Variants in ITGB8 observed in about 807,000 individuals in gnomAD.
ITGB8 encodes integrin subunit beta 8.
Under a neutral mutation model 89.5 loss-of-function variants are expected in ITGB8, and 30 were observed. The ratio of observed to expected loss-of-function variants is 0.34; its 90% CI spans 0.25 to 0.45. The LOEUF (loss-of-function observed/expected upper bound fraction) is 0.45, where lower values mean the gene tolerates loss of function less well. ITGB8 is among the 20% of genes least tolerant of loss of function. The pLI is 1.00. For synonymous variants in ITGB8, 335 were observed against 320.4 expected (o/e 1.05, Z -0.49); for missense variants, 836 against 933.3 (o/e 0.90, Z 1.36).
chr7:20,410,087 A>G lies in ITGB8; in HGVS notation c.*90A>G, dbSNP rs1357300373. The G allele has an allele frequency of 3.0e-6, 4 of 1,335,634 alleles. No individual in the cohort carries two copies. In the East Asian group the frequency reaches 9.2e-5, roughly 31 times the overall value. The allele number at this position is 1,335,634 out of a possible 1,614,324, so 82.7% of individuals were successfully genotyped here. A position where few individuals can be genotyped will look rare whatever the true frequency, so the allele number is the denominator to read the frequency against. On this transcript the variant is annotated 3_prime_UTR_variant, in exon 14 of 14. Transcript: ENST00000222573. The stretch of plus-strand genomic sequence containing the variant: ...TTTTAAAAGTCACAGGAGGAGACAA[A>G]TTGCTCACGGTCATGCCAGTTGCTG...
chr7:20,387,591 C>A (rs1786679347), intron 6 of ITGB8, among the ~76,000 whole-genome samples: 1 of 152,156 alleles, frequency 6.6e-6, no homozygotes, highest in Non-Finnish European at 1.5e-5. Context: ...CTCCAGAGGA[C>A]AATTTCATCA....
At chr7:20,382,732 CTTAG>C in intron 6 of ITGB8, among the ~76,000 whole-genome samples, 1 of 152,152 alleles carries the variant, frequency 6.6e-6, no homozygotes, top group Admixed American at 6.5e-5. Flanking sequence ...GTCTTAACAA[CTTAG>C]TATCTCCTTA....
chr7:20,397,452 C>G (rs1344426236), intron 8 of ITGB8, among the ~76,000 whole-genome samples: 1 of 152,202 alleles, frequency 6.6e-6, no homozygotes, highest in Non-Finnish European at 1.5e-5. Context: ...TCTGGAACTG[C>G]TGATCTCAAG....
Position 20,348,460 on chromosome 7 carries a change from C to T in ITGB8, c.128-15177C>T, listed in dbSNP as rs117773972. Among the ~76,000 whole-genome samples, 1,381 of 152,328 alleles carry T rather than the reference C, an allele frequency of 9.1e-3. 15 individuals carry two copies. Among genetic ancestry groups the T allele is most frequent in the South Asian group, 0.019 (92 of 4,826 alleles). On this transcript the variant is annotated intron_variant, in intron 1 of 13. Coordinates refer to ENST00000222573, the MANE Select transcript of ITGB8 (RefSeq NM_002214.3). The stretch of plus-strand genomic sequence containing the variant: ...CTGCCTTCTGTCTCAGCCTCTGGCT[C>T]CTCTTGAATTTGTTATTTATTCTGC...
At chr7:20,382,004 G>A in intron 6 of ITGB8, 119 bp downstream of exon 6, 1 of 805,718 alleles carries the variant, frequency 1.2e-6, no homozygotes, top group Non-Finnish European at 1.9e-6. Context: ...TACAGAACAA[G>A]GATAAGCCAT....
At chr7:20,399,068 C>G in intron 9 of ITGB8, 74 bp downstream of exon 9, 1 of 1,490,470 alleles carries the variant, frequency 6.7e-7, no homozygotes, top group Non-Finnish European at 9.0e-7. Context: ...AAAAAGCAAA[C>G]CATTCTGAAA....
intron 12 of ITGB8, among the ~76,000 whole-genome samples, chr7:20,407,464 T>C (rs1787593556): frequency 6.6e-6 from 1 of 152,318 alleles, no homozygotes; most frequent in Non-Finnish European, 1.5e-5. Context: ...CTTGAAATTA[T>C]ATCTTTATTA....
At chr7:20,336,143 C>T (rs1160687052) in intron 1 of ITGB8, among the ~76,000 whole-genome samples, 1 of 151,164 alleles carries the variant, frequency 6.6e-6, no homozygotes, top group Admixed American at 6.6e-5. Context: ...GTAGCTGAGA[C>T]TACAGGCACC....
At position 20,332,018 on chromosome 7, in the gene ITGB8, G is replaced by A. The variant is rs555600570; in HGVS notation, c.127+85G>A. On this transcript the variant is annotated intron_variant, in intron 1 of 13. Coordinates refer to ENST00000222573, the MANE Select transcript of ITGB8 (RefSeq NM_002214.3). The stretch of plus-strand genomic sequence containing the variant: ...AAGAGCTGCCCGGCCAGAGCATCCC[G>A]GCCAGGTAAGTTGCGGTCATCAGAG... 4.5e-6 allele frequency: 7 copies of A among 1,538,712 alleles called. No homozygotes were observed. In the South Asian group the frequency reaches 6.0e-5, roughly 13 times the overall value.
chr7:20,356,329 T>C (rs1785293076), intron 1 of ITGB8, among the ~76,000 whole-genome samples: 2 of 152,172 alleles, frequency 1.3e-5, no homozygotes, highest in Admixed American at 6.5e-5. Flanking sequence ...TAATAGCATA[T>C]ATTTCTCTGC....
chr7:20,330,319 G>T (rs1389551919), upstream of ITGB8, among the ~76,000 whole-genome samples: 1 of 152,216 alleles, frequency 6.6e-6, no homozygotes, highest in Non-Finnish European at 1.5e-5. Flanking sequence ...GAGGGCGTTG[G>T]GGGCAGGGGA....
intron 6 of ITGB8, among the ~76,000 whole-genome samples, chr7:20,389,189 G>C (rs112028797): frequency 1.2e-4 from 18 of 152,166 alleles, no homozygotes; most frequent in Middle Eastern, 3.2e-3. Flanking sequence ...CTAGATCCTT[G>C]AGGAATCACC....
chr7:20,373,065 T>C (rs1226131548), intron 3 of ITGB8, among the ~76,000 whole-genome samples: 1 of 152,200 alleles, frequency 6.6e-6, no homozygotes, highest in Non-Finnish European at 1.5e-5. Context: ...GCTCTTAATA[T>C]TAATTTTGAT....
At chr7:20,358,860 C>G (rs1032507884) in intron 1 of ITGB8, among the ~76,000 whole-genome samples, 4 of 152,178 alleles carry the variant, frequency 2.6e-5, no homozygotes, top group African/African-American at 9.7e-5. Flanking sequence ...TTGCTCCCCT[C>G]CCTACTTTCA....
chr7:20,346,248 C>T (rs1784919244), intron 1 of ITGB8, among the ~76,000 whole-genome samples: 1 of 152,066 alleles, frequency 6.6e-6, no homozygotes, highest in Admixed American at 6.6e-5. Flanking sequence ...AGGGGAGAGC[C>T]AGGTTTCTGT....
intron 6 of ITGB8, among the ~76,000 whole-genome samples, chr7:20,390,357 G>T (rs564905953): frequency 6.6e-6 from 1 of 152,014 alleles, no homozygotes; most frequent in Non-Finnish European, 1.5e-5. Context: ...CTTGTTATTC[G>T]AGACAATCAT....
chr7:20,382,988 T>C (rs1786462165), intron 6 of ITGB8, among the ~76,000 whole-genome samples: 1 of 152,232 alleles, frequency 6.6e-6, no homozygotes. Context: ...ACATGCTGAA[T>C]GTCACTGTAT....
intron 12 of ITGB8, among the ~76,000 whole-genome samples, chr7:20,408,194 G>A (rs1787621754): frequency 6.6e-6 from 1 of 152,056 alleles, no homozygotes. Context: ...AGAACAAAAG[G>A]CATGTATGTT....
At chr7:20,352,413 A>G (rs1235580349) in intron 1 of ITGB8, 2 of 152,240 alleles carry the variant, frequency 1.3e-5, no homozygotes, top group Non-Finnish European at 2.9e-5. Context: ...ATGTTGAGTG[A>G]CCATTTGGCT....
Sources: gnomAD v4.1 joint callset for allele counts (sites outside exome capture counted in the v4.1 genomes callset) on GRCh38, gnomAD v4.1.1 for gene constraint, MANE v1.5 for transcripts, NCBI Gene and HGNC (gene_info 2026-07-23, HGNC 2026-07-21) for gene names.